EFNA5: variants seen among roughly 807,000 people sequenced by gnomAD.
EFNA5 encodes the protein ephrin A5.
Under a neutral mutation model 22.9 loss-of-function variants are expected in EFNA5, and 5 were observed. The observed-to-expected ratio is 0.22, with a 90% confidence interval of 0.11 to 0.46. The LOEUF (loss-of-function observed/expected upper bound fraction) is 0.46. Ranked by LOEUF, EFNA5 falls within the 20% of genes least tolerant of loss-of-function variation. EFNA5 has a pLI of 0.99. For synonymous variants in EFNA5, 113 were observed against 112.2 expected (o/e 1.01, Z -0.04); for missense variants, 237 against 293.3 (o/e 0.81, Z 1.40).
intron 1 of EFNA5, among the ~76,000 whole-genome samples, chr5:107,567,082 A>G (rs2161515): frequency 8.5e-5 from 13 of 152,330 alleles, no homozygotes; most frequent in African/African-American, 3.1e-4. Flanking sequence ...AAAGAAATTA[A>G]AGCTAGATAT....
intron 2 of EFNA5, among the ~76,000 whole-genome samples, chr5:107,418,736 T>A (rs1425718070): frequency 1.3e-5 from 2 of 152,228 alleles, no homozygotes; most frequent in Non-Finnish European, 2.9e-5. Context: ...ACCGTGAATT[T>A]CCATCAAGTC....
At chr5:107,641,592 T>G (rs1052924848) in intron 1 of EFNA5, among the ~76,000 whole-genome samples, 2 of 152,190 alleles carry the variant, frequency 1.3e-5, no homozygotes, top group African/African-American at 4.8e-5. Context: ...CTAGGAAGTT[T>G]ATTAATACAT....
chr5:107,484,464 C>G (rs1021847436), intron 1 of EFNA5, among the ~76,000 whole-genome samples: 2 of 152,196 alleles, frequency 1.3e-5, no homozygotes, highest in African/African-American at 4.8e-5. Flanking sequence ...TCCATTGCAA[C>G]AGACGTTTTG....
intron 2 of EFNA5, among the ~76,000 whole-genome samples, chr5:107,415,099 G>A (rs1050418399): frequency 2.0e-5 from 3 of 152,046 alleles, no homozygotes; most frequent in Non-Finnish European, 4.4e-5. Flanking sequence ...TGACCTGTTT[G>A]CATTTCAGTT....
At chr5:107,604,630 T>C (rs924912299) in intron 1 of EFNA5, among the ~76,000 whole-genome samples, 9 of 151,996 alleles carry the variant, frequency 5.9e-5, no homozygotes, top group African/African-American at 2.2e-4. Flanking sequence ...AAAATAAATA[T>C]CATAATGCAA....
intron 1 of EFNA5, among the ~76,000 whole-genome samples, chr5:107,653,803 GC>G (rs59246480): frequency 0.049 from 7,386 of 152,198 alleles, 581 homozygotes; most frequent in African/African-American, 0.17. Context: ...TATTCAGGCT[GC>G]AGTGCAAATC....
At chr5:107,591,860 A>ATATATATATTATAT (rs1749334703) in intron 1 of EFNA5, among the ~76,000 whole-genome samples, 2 of 72,834 alleles carry the variant, frequency 2.7e-5, no homozygotes, top group African/African-American at 1.2e-4. Flanking sequence ...ATATAATATA[A>ATATATATATTATAT]AAAATATATA....
intron 1 of EFNA5, among the ~76,000 whole-genome samples, chr5:107,632,987 G>A (rs774386700): frequency 2.6e-5 from 4 of 151,680 alleles, no homozygotes; most frequent in Admixed American, 6.6e-5. Flanking sequence ...AACTAATTCT[G>A]GTTACAAGGG....
chr5:107,448,859 AAATAAAT>A (rs1429075230), intron 1 of EFNA5, among the ~76,000 whole-genome samples: 4 of 116,602 alleles, frequency 3.4e-5, no homozygotes, highest in Admixed American at 8.6e-5. Flanking sequence ...ATAAATAAAT[AAATAAAT>A]AAATAAAATA....
chr5:107,660,049 T>C (rs188979679), intron 1 of EFNA5, among the ~76,000 whole-genome samples: 1 of 151,848 alleles, frequency 6.6e-6, no homozygotes, highest in African/African-American at 2.4e-5. Context: ...TCATGTTGTC[T>C]TCCCAAGAGT....
intron 1 of EFNA5, among the ~76,000 whole-genome samples, chr5:107,610,220 A>G (rs1279364885): frequency 6.6e-6 from 1 of 152,222 alleles, no homozygotes; most frequent in Non-Finnish European, 1.5e-5. Flanking sequence ...GGGAAATTAC[A>G]CTTCTTTACG....
chr5:107,518,272 G>GA (rs60332450), intron 1 of EFNA5, among the ~76,000 whole-genome samples: 1,363 of 132,232 alleles, frequency 0.01, 16 homozygotes, highest in South Asian at 0.042. Flanking sequence ...GCCCCACTCG[G>GA]AAAAAAAAAA....
chr5:107,647,567 C>G (rs1750651677), intron 1 of EFNA5, among the ~76,000 whole-genome samples: 1 of 152,060 alleles, frequency 6.6e-6, no homozygotes, highest in South Asian at 2.1e-4. Flanking sequence ...ATAGATTCCA[C>G]AAAAGTTCAA....
At chr5:107,572,224 T>C (rs1748828967) in intron 1 of EFNA5, among the ~76,000 whole-genome samples, 1 of 151,902 alleles carries the variant, frequency 6.6e-6, no homozygotes, top group Admixed American at 6.6e-5. Flanking sequence ...ACTCCGCCTC[T>C]TGGTCCTGCG....
At chr5:107,486,788 TG>T (rs1746634337) in intron 1 of EFNA5, among the ~76,000 whole-genome samples, 1 of 152,220 alleles carries the variant, frequency 6.6e-6, no homozygotes, top group South Asian at 2.1e-4. Flanking sequence ...CCTGAGATCC[TG>T]GGGCTGTTTG....
intron 2 of EFNA5, among the ~76,000 whole-genome samples, chr5:107,408,345 A>C (rs1229070080): frequency 2.6e-5 from 4 of 152,214 alleles, no homozygotes; most frequent in Non-Finnish European, 5.9e-5. Context: ...CAAAATTTTC[A>C]ACTACTTTTG....
chr5:107,529,441 TC>T (rs1360299662), intron 1 of EFNA5, among the ~76,000 whole-genome samples: 1 of 152,012 alleles, frequency 6.6e-6, no homozygotes, highest in Non-Finnish European at 1.5e-5. Context: ...CTGCACACTG[TC>T]CAAACTGGAT....
intron 2 of EFNA5, among the ~76,000 whole-genome samples, chr5:107,419,436 T>A (rs1364743193): frequency 6.6e-6 from 1 of 152,202 alleles, no homozygotes; most frequent in Non-Finnish European, 1.5e-5. Context: ...AGACCCGATA[T>A]AATTCTTAAA....
intron 1 of EFNA5, among the ~76,000 whole-genome samples, chr5:107,535,584 A>G (rs949839893): frequency 2.0e-5 from 3 of 152,190 alleles, no homozygotes; most frequent in Non-Finnish European, 4.4e-5. Flanking sequence ...TTTATAGAAA[A>G]CAGAAACTAT....
Sources: gnomAD v4.1 joint callset for allele counts (sites outside exome capture counted in the v4.1 genomes callset) on GRCh38, gnomAD v4.1.1 for gene constraint, MANE v1.5 for transcripts, NCBI Gene and HGNC (gene_info 2026-07-23, HGNC 2026-07-21) for gene names.